The following PBX3 variants were observed in gnomAD, a reference collection of about 807,000 sequenced individuals.
The protein encoded by PBX3 is pre-B-cell leukemia transcription factor 3.
In PBX3, 14 loss-of-function variants were observed where a neutral mutation model predicts 48.5. The ratio of observed to expected loss-of-function variants is 0.29; its 90% CI spans 0.19 to 0.45. PBX3 has a LOEUF of 0.45. Ranked by LOEUF, PBX3 falls within the 20% of genes least tolerant of loss-of-function variation. The pLI, the probability that PBX3 is intolerant of heterozygous loss-of-function variation, is 1.00. For synonymous variants in PBX3, 210 were observed against 200.3 expected (o/e 1.05, Z -0.41); for missense variants, 386 against 546.7 (o/e 0.71, Z 2.93).
chr9:125,786,192 A>G (rs963712772), intron 2 of PBX3, among the ~76,000 whole-genome samples: 4 of 152,228 alleles, frequency 2.6e-5, no homozygotes, highest in Admixed American at 6.5e-5. Context: ...GTAATTAGGT[A>G]TAAGAGCTTG....
intron 2 of PBX3, among the ~76,000 whole-genome samples, chr9:125,886,544 G>A (rs754270237): frequency 2.0e-5 from 3 of 152,208 alleles, no homozygotes; most frequent in Non-Finnish European, 2.9e-5. Flanking sequence ...GGAATTCAAC[G>A]GGTAAATTAC....
intron 2 of PBX3, among the ~76,000 whole-genome samples, chr9:125,823,428 C>T (rs923372719): frequency 6.6e-6 from 1 of 152,072 alleles, no homozygotes; most frequent in Admixed American, 6.6e-5. Flanking sequence ...AGTAATATCT[C>T]TTGCTTTCAT....
Position 125,965,979 on chromosome 9 carries a change from T to G in PBX3, c.*56T>G. On this transcript the variant is annotated 3_prime_UTR_variant, in exon 9 of 9. Transcript: ENST00000373489. Reference sequence around the variant, plus strand: ...GCCTTGATAAGTGCATTCAGAGCAATAGGAGGAAAAGGAAAGCGTTTTTGT... The same window carrying G: ...GCCTTGATAAGTGCATTCAGAGCAAGAGGAGGAAAAGGAAAGCGTTTTTGT... The G allele has an allele frequency of 7.5e-7, 1 of 1,326,966 alleles. No homozygotes were observed. The highest frequency in any genetic ancestry group is 1.2e-5 in the South Asian group (1 of 81,806). The allele number at this position is 1,326,966 out of a possible 1,614,324, so 82.2% of individuals were successfully genotyped here.
At chr9:125,773,305 C>T (rs1189781848) in intron 2 of PBX3, among the ~76,000 whole-genome samples, 2 of 152,166 alleles carry the variant, frequency 1.3e-5, no homozygotes, top group African/African-American at 4.8e-5. Context: ...TCCCTTCGTT[C>T]ACTTGGCTGA....
chr9:125,841,546 A>G (rs866456133), intron 2 of PBX3, among the ~76,000 whole-genome samples: 1 of 152,030 alleles, frequency 6.6e-6, no homozygotes, highest in South Asian at 2.1e-4. Flanking sequence ...CCTTTTTGCT[A>G]TTTCATCCCT....
At chr9:125,871,781 G>A (rs1840131718) in intron 2 of PBX3, among the ~76,000 whole-genome samples, 1 of 152,084 alleles carries the variant, frequency 6.6e-6, no homozygotes, top group South Asian at 2.1e-4. Context: ...GACTGCTAGA[G>A]AATTTAAAAT....
rs1417847947 is a variant in PBX3 at position 125,781,541 on chromosome 9, AG to A, written c.274+32922del. ...GAGGGAGAGGGTGACCGAGAGGGAG[AG>A]GGGAGAGGGGAGAGGGGAGAGGCGA... On this transcript the variant is annotated intron_variant, in intron 2 of 8. Coordinates refer to ENST00000373489, the MANE Select transcript of PBX3 (RefSeq NM_006195.6). Among the ~76,000 whole-genome samples, 257 of 46,094 alleles carry A rather than the reference AG, an allele frequency of 5.6e-3. 1 individual carries two copies. Among genetic ancestry groups the A allele is most frequent in the African/African-American group, 0.021 (245 of 11,728 alleles). The allele number at this position is 46,094 out of a possible 152,430, so 30.2% of individuals were successfully genotyped here.
At chr9:125,747,731 G>A (rs1836234146) in intron 1 of PBX3, 78 bp downstream of exon 1, 1 of 1,165,884 alleles carries the variant, frequency 8.6e-7, no homozygotes, top group African/African-American at 1.6e-5. Flanking sequence ...CCGGGGTGGC[G>A]CCCGGGGCTA....
At chr9:125,766,815 G>T (rs765104440) in intron 2 of PBX3, among the ~76,000 whole-genome samples, 2 of 152,062 alleles carry the variant, frequency 1.3e-5, no homozygotes, top group African/African-American at 2.4e-5. Context: ...ATCTTTAAAG[G>T]TGACAGATGG....
intron 2 of PBX3, among the ~76,000 whole-genome samples, chr9:125,837,802 G>A (rs1281799935): frequency 6.6e-6 from 1 of 152,054 alleles, no homozygotes. Flanking sequence ...GTGTTAGCCA[G>A]GATGGTCTCA....
At chr9:125,871,772 A>G (rs1040211724) in intron 2 of PBX3, among the ~76,000 whole-genome samples, 3 of 152,178 alleles carry the variant, frequency 2.0e-5, no homozygotes, top group African/African-American at 7.2e-5. Context: ...TTAAAATGTG[A>G]CTGCTAGAGA....
chr9:125,946,417 A>G (rs1842064902), intron 5 of PBX3, among the ~76,000 whole-genome samples: 1 of 152,198 alleles, frequency 6.6e-6, no homozygotes, highest in African/African-American at 2.4e-5. Context: ...GACAATAGAA[A>G]CAGACTCACA....
chr9:125,961,539 C>G (rs1007479387), intron 6 of PBX3, among the ~76,000 whole-genome samples: 4 of 152,156 alleles, frequency 2.6e-5, no homozygotes, highest in African/African-American at 9.7e-5. Flanking sequence ...ATTCCAGGGG[C>G]GTTTCTGAGA....
intron 3 of PBX3, among the ~76,000 whole-genome samples, chr9:125,923,810 C>G (rs956935650): frequency 6.6e-5 from 10 of 151,968 alleles, no homozygotes; most frequent in African/African-American, 2.4e-4. Context: ...AAACATTCCT[C>G]CTGCCTCGGC....
rs73580712 is a variant in PBX3 at position 125,900,115 on chromosome 9, A to G, written c.275-15571A>G. The stretch of plus-strand genomic sequence containing the variant: ...TATCCACCCTAATTTGGGTGAGTCA[A>G]ATAGTGACCCGACATGATTTATTTT... On this transcript the variant is annotated intron_variant, in intron 2 of 8. Transcript: ENST00000373489. 2.1e-3 allele frequency among the ~76,000 whole-genome samples: 314 copies of G among 151,844 alleles called. 1 individual carries two copies. The highest frequency in any genetic ancestry group is 7.5e-3 in the African/African-American group (310 of 41,500).
chr9:125,827,178 T>C (rs1249126408), intron 2 of PBX3, among the ~76,000 whole-genome samples: 2 of 152,174 alleles, frequency 1.3e-5, no homozygotes, highest in African/African-American at 4.8e-5. Context: ...TATCAATGAA[T>C]GTATTTGAAT....
intron 2 of PBX3, among the ~76,000 whole-genome samples, chr9:125,798,093 TATAA>T (rs1392707742): frequency 6.6e-6 from 1 of 152,180 alleles, no homozygotes; most frequent in Non-Finnish European, 1.5e-5. Context: ...CGTTTCTGTA[TATAA>T]AGCAAGTATT....
At chr9:125,895,225 T>C (rs1037489376) in intron 2 of PBX3, among the ~76,000 whole-genome samples, 7 of 152,120 alleles carry the variant, frequency 4.6e-5, no homozygotes, top group African/African-American at 1.7e-4. Flanking sequence ...AATGATAAAA[T>C]GTGCAGTAGC....
At chr9:125,852,893 G>T (rs920017801) in intron 2 of PBX3, among the ~76,000 whole-genome samples, 11 of 152,000 alleles carry the variant, frequency 7.2e-5, no homozygotes, top group African/African-American at 2.7e-4. Flanking sequence ...CTTTTTTGTT[G>T]TTAATTAGCA....
Sources: gnomAD v4.1 joint callset for allele counts (sites outside exome capture counted in the v4.1 genomes callset) on GRCh38, gnomAD v4.1.1 for gene constraint, MANE v1.5 for transcripts, NCBI Gene and HGNC (gene_info 2026-07-23, HGNC 2026-07-21) for gene names.